The following KIRREL1 variants were observed in gnomAD, a reference collection of about 807,000 sequenced individuals.
KIRREL1 encodes the protein kirre like nephrin family adhesion molecule 1.
In KIRREL1, 25 loss-of-function variants were observed where a neutral mutation model predicts 83.3. The observed-to-expected ratio is 0.30, with a 90% CI of 0.22 to 0.42. The LOEUF is 0.42. Among genes scored for constraint, KIRREL1 ranks in the 10% least tolerant of loss-of-function variants. The pLI is 1.00. For missense variants in KIRREL1, 812 were observed against 1,032.3 expected (o/e 0.79, Z 2.92); for synonymous variants, 388 against 410.4 (o/e 0.95, Z 0.66).
intron 1 of KIRREL1, among the ~76,000 whole-genome samples, chr1:158,009,462 G>A (rs1659608758): frequency 6.6e-6 from 1 of 152,194 alleles, no homozygotes; most frequent in African/African-American, 2.4e-5. Flanking sequence ...AATGGTGGCT[G>A]TTGTTACTAC....
chr1:158,083,760 T>G (rs1661937030), intron 3 of KIRREL1, among the ~76,000 whole-genome samples: 1 of 152,190 alleles, frequency 6.6e-6, no homozygotes, highest in South Asian at 2.1e-4. Context: ...TGAGCTGTAC[T>G]CAGGGCCTGA....
chr1:158,010,663 A>G (rs910198954), intron 1 of KIRREL1, among the ~76,000 whole-genome samples: 3 of 152,046 alleles, frequency 2.0e-5, no homozygotes, highest in Non-Finnish European at 4.4e-5. Flanking sequence ...CCTGAAAGCT[A>G]TTTCTTCTCT....
chr1:158,091,555 A>C lies in KIRREL1; in HGVS notation c.1470A>C (p.Arg490=). ...CAGCCATCATCCAGCTGGAAGAGCG[A>C]GGTGACTGGTAGTGCTGCCTGCCAG... ...PGTAIIQLEE[R]EVLPVGIIAG... is the part of the protein sequence containing the mutation. The change falls in exon 11 of 15, where the codon CGA becomes CGC. Residue 490 remains arginine (R), a splice_region_variant and synonymous_variant. Coordinates refer to ENST00000359209, the MANE Select transcript of KIRREL1 (RefSeq NM_018240.7). 1 of 1,614,068 alleles carries C rather than the reference A, an allele frequency of 6.2e-7. No individual in the cohort carries two copies. The highest frequency in any genetic ancestry group is 8.5e-7 in the Non-Finnish European group (1 of 1,179,994).
At chr1:158,028,245 G>A (rs112039398) in intron 1 of KIRREL1, among the ~76,000 whole-genome samples, 3 of 152,188 alleles carry the variant, frequency 2.0e-5, no homozygotes, top group Non-Finnish European at 4.4e-5. Flanking sequence ...GTCTGCCTGC[G>A]CAGGGGCTGT....
At chr1:158,083,384 T>C (rs1020561736) in intron 3 of KIRREL1, among the ~76,000 whole-genome samples, 4 of 152,162 alleles carry the variant, frequency 2.6e-5, no homozygotes, top group African/African-American at 9.7e-5. Context: ...GGCTACAGCA[T>C]GGAAAGCCTT....
intron 1 of KIRREL1, among the ~76,000 whole-genome samples, chr1:158,023,350 G>A (rs769337062): frequency 2.0e-5 from 3 of 152,200 alleles, no homozygotes; most frequent in Non-Finnish European, 2.9e-5. Flanking sequence ...AATTCAGCAA[G>A]CATTTATTGA....
At chr1:158,051,516 G>A (rs534968441) in intron 1 of KIRREL1, among the ~76,000 whole-genome samples, 9 of 152,226 alleles carry the variant, frequency 5.9e-5, no homozygotes, top group Middle Eastern at 6.8e-3. Context: ...GCATGTAGCC[G>A]CATCAACATC....
intron 1 of KIRREL1, among the ~76,000 whole-genome samples, chr1:158,018,343 CAG>C (rs1659895482): frequency 1.3e-5 from 2 of 152,108 alleles, no homozygotes; most frequent in African/African-American, 2.4e-5. Flanking sequence ...TAGGCAGAGT[CAG>C]GGGGCAGGGG....
intron 5 of KIRREL1, among the ~76,000 whole-genome samples, 178 bp from the exon 6 acceptor site, chr1:158,087,577 C>T (rs1041757531): frequency 6.6e-6 from 1 of 152,058 alleles, no homozygotes; most frequent in Non-Finnish European, 1.5e-5. Flanking sequence ...TAGCAGGCCC[C>T]CTAGAGGCTC....
At chr1:158,027,107 G>A (rs544514336) in intron 1 of KIRREL1, among the ~76,000 whole-genome samples, 7 of 152,266 alleles carry the variant, frequency 4.6e-5, no homozygotes, top group East Asian at 1.9e-4. Context: ...CGCAAGCCCC[G>A]CATTGTTTTA....
chr1:158,074,565 C>A (rs574972503), intron 1 of KIRREL1, among the ~76,000 whole-genome samples: 2 of 152,278 alleles, frequency 1.3e-5, no homozygotes, highest in South Asian at 4.2e-4. Flanking sequence ...ATGGACATTA[C>A]CCCTGATCAT....
chr1:158,018,766 G>A lies in KIRREL1; in HGVS notation c.52+25038G>A, dbSNP rs911273772. 3.3e-5 allele frequency among the ~76,000 whole-genome samples: 5 copies of A among 152,128 alleles called. No homozygotes were observed. In the South Asian group the frequency reaches 6.2e-4, roughly 19 times the overall value. On this transcript the variant is annotated intron_variant, in intron 1 of 14. Transcript: ENST00000359209. ...CCCTGGAGGCCATCTGATGAGGGTC[G>A]ATGGGCCAGTTTGAGAACCATTTGT...
In KIRREL1 at chr1:158,089,149, C is replaced by T. The variant is rs372998154; in HGVS notation, c.1045-353C>T. On this transcript the variant is annotated intron_variant, in intron 8 of 14. Transcript: ENST00000359209. ...GAGACCCCCATTAGACCATTTGGGC[C>T]AGAACTACAGGAAGAAGAATTTCAG... Among the ~76,000 whole-genome samples the T allele has an allele frequency of 1.5e-4, 23 of 152,202 alleles. No homozygotes were observed. In the South Asian group the frequency reaches 4.6e-3, roughly 30 times the overall value.
At chr1:158,067,816 C>T (rs1465822976) in intron 1 of KIRREL1, among the ~76,000 whole-genome samples, 1 of 152,206 alleles carries the variant, frequency 6.6e-6, no homozygotes, top group Non-Finnish European at 1.5e-5. Flanking sequence ...AACAGTAAGC[C>T]TTCTTGCCCT....
Position 158,093,778 on chromosome 1 carries a change from C to T in KIRREL1, c.1719+16C>T. On this transcript the variant is annotated intron_variant, in intron 13 of 14. Transcript: ENST00000359209. ...CATCTACTCGGTGAGGGTCCTGCTCCTCTCTGGCCTCCTGCCTTCTCCACC... is the reference window on the plus strand; with the variant it reads ...CATCTACTCGGTGAGGGTCCTGCTCTTCTCTGGCCTCCTGCCTTCTCCACC... The T allele has an allele frequency of 6.2e-7, 1 of 1,613,562 alleles. No homozygotes were observed. Among genetic ancestry groups the T allele is most frequent in the Non-Finnish European group, 8.5e-7 (1 of 1,179,642 alleles).
intron 3 of KIRREL1, among the ~76,000 whole-genome samples, chr1:158,081,735 G>C (rs1004185352): frequency 1.3e-5 from 2 of 149,344 alleles, no homozygotes; most frequent in Admixed American, 1.3e-4. Flanking sequence ...TCATATATGA[G>C]GGATGAGCTC....
chr1:158,018,291 G>A (rs181512050), intron 1 of KIRREL1, among the ~76,000 whole-genome samples: 7 of 152,288 alleles, frequency 4.6e-5, no homozygotes, highest in Admixed American at 2.6e-4. Flanking sequence ...CACACCACAG[G>A]TCCCAGCCTA....
intron 1 of KIRREL1, among the ~76,000 whole-genome samples, chr1:158,035,529 A>T (rs899420547): frequency 7.9e-5 from 12 of 152,296 alleles, no homozygotes; most frequent in Non-Finnish European, 1.5e-4. Context: ...TGCACAAGAC[A>T]CTGCTAGATA....
rs1662361227 is a variant in KIRREL1 at position 158,096,623 on chromosome 1, C to T, written c.*1503C>T. On this transcript the variant is annotated 3_prime_UTR_variant, in exon 15 of 15. Coordinates refer to ENST00000359209, the MANE Select transcript of KIRREL1 (RefSeq NM_018240.7). ...AGGTGGTGCGGAAGGGCACCGCAGGCATTACACAGGCCATTTCTCCTCCTC... is the reference window on the plus strand; with the variant it reads ...AGGTGGTGCGGAAGGGCACCGCAGGTATTACACAGGCCATTTCTCCTCCTC... 4.4e-6 allele frequency: 2 copies of T among 456,840 alleles called. No homozygotes were observed. The highest frequency in any genetic ancestry group is 2.3e-5 in the Admixed American group (1 of 42,584). 28.3% of individuals were successfully genotyped at this position (456,840 alleles called of 1,614,324 possible).
Sources: allele counts gnomAD v4.1 joint callset (sites outside exome capture counted in the v4.1 genomes callset), GRCh38; gene constraint gnomAD v4.1.1; transcripts MANE v1.5; gene names NCBI Gene and HGNC (gene_info 2026-07-23, HGNC 2026-07-21).